The following CGGBP1 variants were observed in gnomAD, a reference collection of about 807,000 sequenced individuals.
CGGBP1 encodes CGG triplet repeat binding protein 1.
A neutral mutation model predicts 11.4 loss-of-function variants in CGGBP1; 4 were observed. The ratio of observed to expected loss-of-function variants is 0.35; its 90% confidence interval spans 0.17 to 0.80. CGGBP1 has a LOEUF of 0.80. Ranked by LOEUF, CGGBP1 falls within the 30% of genes least tolerant of loss-of-function variation. The pLI is 0.52. For missense variants in CGGBP1, 135 were observed against 202.1 expected (o/e 0.67, Z 2.01); for synonymous variants, 76 against 74.1 (o/e 1.03, Z -0.13).
intron 2 of CGGBP1, among the ~76,000 whole-genome samples, chr3:88,083,227 T>A (rs1245799243): frequency 2.0e-5 from 3 of 152,194 alleles, no homozygotes; most frequent in Non-Finnish European, 4.4e-5. Context: ...AAGACAAAAT[T>A]CAGTCCTTAA....
At chr3:88,081,886 A>G (rs1321602176) in intron 2 of CGGBP1, among the ~76,000 whole-genome samples, 1 of 152,208 alleles carries the variant, frequency 6.6e-6, no homozygotes, top group Admixed American at 6.5e-5. Flanking sequence ...CTCAATGGAT[A>G]GCTAGGAAAT....
intron 2 of CGGBP1, among the ~76,000 whole-genome samples, chr3:88,130,381 CAATT>C (rs897773302): frequency 1.1e-4 from 16 of 152,030 alleles, no homozygotes; most frequent in Non-Finnish European, 1.3e-4. Context: ...TTTAAATTCT[CAATT>C]AAATTAATAG....
At chr3:88,102,039 C>T (rs972201534) in intron 2 of CGGBP1, among the ~76,000 whole-genome samples, 8 of 151,628 alleles carry the variant, frequency 5.3e-5, no homozygotes, top group African/African-American at 1.9e-4. Context: ...TTTATGTATT[C>T]TGGATATACA....
chr3:88,137,530 A>C (rs1295868826), intron 2 of CGGBP1, among the ~76,000 whole-genome samples: 5 of 152,174 alleles, frequency 3.3e-5, no homozygotes, highest in Admixed American at 3.3e-4. Flanking sequence ...AGGAATTCAC[A>C]GTTGGGGGGT....
At chr3:88,106,595 G>A (rs1344910718) in intron 2 of CGGBP1, among the ~76,000 whole-genome samples, 2 of 152,036 alleles carry the variant, frequency 1.3e-5, no homozygotes, top group East Asian at 1.9e-4. Context: ...CACCCACCTC[G>A]GCCTCCCAGA....
intron 2 of CGGBP1, among the ~76,000 whole-genome samples, chr3:88,096,787 G>A (rs1250872899): frequency 1.3e-5 from 2 of 151,914 alleles, no homozygotes; most frequent in Non-Finnish European, 2.9e-5. Context: ...AGATACCCTT[G>A]CCATTTACAT....
chr3:88,089,475 G>C (rs961310180), intron 2 of CGGBP1, among the ~76,000 whole-genome samples: 2 of 136,364 alleles, frequency 1.5e-5, no homozygotes, highest in Non-Finnish European at 3.2e-5. Context: ...TGGGCAAAAA[G>C]AGCAAAACTC....
At chr3:88,115,675 C>T (rs1192551783) in intron 2 of CGGBP1, among the ~76,000 whole-genome samples, 5 of 152,110 alleles carry the variant, frequency 3.3e-5, no homozygotes, top group East Asian at 3.9e-4. Flanking sequence ...TTTTCCTCTC[C>T]GTTATTTCTA....
intron 2 of CGGBP1, 141 bp downstream of exon 2, chr3:88,057,876 CAA>C (rs1453802919): frequency 1.3e-5 from 2 of 152,208 alleles, no homozygotes; most frequent in East Asian, 1.9e-4. Context: ...ACCCGAAGAA[CAA>C]AAGTGTTTTC....
chr3:88,070,427 TTC>T (rs1707437859), intron 2 of CGGBP1, among the ~76,000 whole-genome samples: 1 of 152,076 alleles, frequency 6.6e-6, no homozygotes, highest in Non-Finnish European at 1.5e-5. Flanking sequence ...AGATCCAAAT[TTC>T]TTTTTTTTTT....
chr3:88,096,429 A>G (rs1222998528), intron 2 of CGGBP1, among the ~76,000 whole-genome samples: 1 of 152,076 alleles, frequency 6.6e-6, no homozygotes, highest in Non-Finnish European at 1.5e-5. Flanking sequence ...CAGAGGGGTA[A>G]GGGGAGAAAG....
chr3:88,130,486 G>A (rs1706383508), intron 2 of CGGBP1, among the ~76,000 whole-genome samples: 1 of 151,892 alleles, frequency 6.6e-6, no homozygotes, highest in South Asian at 2.1e-4. Flanking sequence ...GGGTTTCACT[G>A]TGTCTCTCAG....
At position 88,140,646 on chromosome 3, in the gene CGGBP1, C is replaced by G. The variant is rs1407212235; in HGVS notation, c.-229+324G>C. Reference sequence around the variant, plus strand: ...GCAAACACCTTTAGTTTCATCAGATCCTGCTTTGAAAATTGATACAAACAG... The same window carrying G: ...GCAAACACCTTTAGTTTCATCAGATGCTGCTTTGAAAATTGATACAAACAG... On this transcript the variant is annotated intron_variant, in intron 2 of 3. Transcript: ENST00000462901. 2.5e-6 allele frequency: 4 copies of G among 1,613,582 alleles called. No individual in the cohort carries two copies. Among genetic ancestry groups the G allele is most frequent in the Admixed American group, 3.3e-5 (2 of 59,952 alleles).
chr3:88,057,882 T>C (rs573985596), intron 2 of CGGBP1, 137 bp downstream of exon 2: 1 of 152,336 alleles, frequency 6.6e-6, no homozygotes, highest in African/African-American at 2.4e-5. Flanking sequence ...AGAACAAAAG[T>C]GTTTTCAATA....
chr3:88,117,226 C>T (rs762553665), intron 2 of CGGBP1, among the ~76,000 whole-genome samples: 20 of 152,144 alleles, frequency 1.3e-4, no homozygotes, highest in Non-Finnish European at 2.4e-4. Context: ...TAATTTTCAA[C>T]TCATAATTAC....
intron 2 of CGGBP1, chr3:88,095,459 A>C (rs1704004189): frequency 1.6e-5 from 6 of 379,648 alleles, no homozygotes; most frequent in South Asian, 6.3e-5. Context: ...CAAGGTACGC[A>C]TGCAACATCA....
chr3:88,133,200 A>C (rs1378225682), intron 2 of CGGBP1, among the ~76,000 whole-genome samples: 1 of 152,116 alleles, frequency 6.6e-6, no homozygotes, highest in Non-Finnish European at 1.5e-5. Flanking sequence ...GTCACATAGG[A>C]GACATGGCCA....
At chr3:88,065,144 C>G (rs984883141) in intron 2 of CGGBP1, among the ~76,000 whole-genome samples, 2 of 152,150 alleles carry the variant, frequency 1.3e-5, no homozygotes, top group African/African-American at 2.4e-5. Flanking sequence ...AATTTTGGCA[C>G]ATTTGGGATA....
intron 2 of CGGBP1, among the ~76,000 whole-genome samples, chr3:88,125,749 GCT>G (rs1330912171): frequency 1.3e-5 from 2 of 152,204 alleles, no homozygotes; most frequent in East Asian, 3.9e-4. Context: ...GCCCTACCAC[GCT>G]CTCTTTTTCT....
Sources: allele counts gnomAD v4.1 joint callset (sites outside exome capture counted in the v4.1 genomes callset), GRCh38; gene constraint gnomAD v4.1.1; transcripts MANE v1.5; gene names NCBI Gene and HGNC (gene_info 2026-07-23, HGNC 2026-07-21).